The following MYCBP2 variants were observed in gnomAD, a reference collection of about 807,000 sequenced individuals.
MYCBP2 encodes the protein MYC binding protein 2.
MYCBP2 carries 120 observed loss-of-function variants against 525.3 expected under a neutral mutation model. That is an observed-to-expected ratio of 0.23 (90% CI 0.20 to 0.27). The LOEUF is 0.27. MYCBP2 is among the 10% of genes least tolerant of loss of function. The probability of loss-of-function intolerance (pLI) is 1.00; values close to 1 mark genes in which losing one functional copy is unlikely to be tolerated. For missense variants in MYCBP2, 4,149 were observed against 5,657.1 expected, an observed-to-expected ratio of 0.73 and a Z score of 8.55; for synonymous variants, 1,894 against 1,955.8, an observed-to-expected ratio of 0.97 and a Z score of 0.83.
rs1037547365 is a variant in MYCBP2 at position 77,169,526 on chromosome 13, C to T, written c.5895+88G>A. On this transcript the variant is annotated intron_variant, in intron 39 of 82. Transcript: ENST00000544440. ...CTATATCCCAGATGCCTCAAAGATG[C>T]AAGTTTTTGTAAAGACAAGACACAA... 3 of 1,145,938 alleles carry T rather than the reference C, an allele frequency of 2.6e-6. No homozygotes were observed. In the Admixed American group the frequency reaches 5.7e-5, roughly 22 times the overall value. 71.0% of individuals were successfully genotyped at this position (1,145,938 alleles called of 1,614,324 possible).
At position 77,126,527 on chromosome 13, in the gene MYCBP2, T is replaced by C. The variant is rs368726492; in HGVS notation, c.7675A>G (p.Thr2559Ala). The C allele has an allele frequency of 1.9e-6, 3 of 1,612,806 alleles. No homozygotes were observed. The highest frequency in any genetic ancestry group is 2.5e-6 in the Non-Finnish European group (3 of 1,179,338). ...LVPVDESKTN[T>A]DDFFKDINSC... ...TTTATGTCTTTGAAAAAGTCATCAG[T>C]ATTAGTTTTAGATTCCTGAAAATTT... is the stretch of plus-strand genomic sequence containing the variant. The change falls in exon 53 of 83, where the codon ACT becomes GCT. Residue 2559 changes from threonine to alanine, a missense_variant. Transcript: ENST00000544440.
intron 15 of MYCBP2, among the ~76,000 whole-genome samples, chr13:77,248,391 T>C (rs1324483439): frequency 6.6e-6 from 1 of 152,130 alleles, no homozygotes; most frequent in Admixed American, 6.5e-5. Context: ...ATTCAAACTA[T>C]ATAGAGAATT....
chr13:77,121,408 G>A lies in MYCBP2; in HGVS notation c.8105C>T (p.Ala2702Val). 6.3e-7 allele frequency: 1 copy of A among 1,594,668 alleles called. No homozygotes were observed. ...QAFNKGASCS[A>V]QGFDYGLGNS... ...TCCGAGTCCATAATCAAATCCTTGGGCACTGCAACTTGCCCCTTTATTAAA... is the reference window on the plus strand; with the variant it reads ...TCCGAGTCCATAATCAAATCCTTGGACACTGCAACTTGCCCCTTTATTAAA... Residue 2702 changes from alanine (A) to valine (V), a missense_variant, in exon 55 of 83, where the codon GCC becomes GTC. Around this residue, in one of 21 missense-constraint regions of MYCBP2, gnomAD observed 653 missense variants for 744.7 expected, o/e 0.88. Coordinates refer to ENST00000544440, the MANE Select transcript of MYCBP2 (RefSeq NM_015057.5).
At chr13:77,095,179 C>T (rs1013752680) in intron 58 of MYCBP2, among the ~76,000 whole-genome samples, 179 bp downstream of exon 58, 1 of 151,882 alleles carries the variant, frequency 6.6e-6, no homozygotes, top group Non-Finnish European at 1.5e-5. Context: ...TTTTTAAATA[C>T]CTATTACCAT....
chr13:77,211,423 A>T, intron 22 of MYCBP2, 103 bp from the exon 23 acceptor site: 1 of 507,246 alleles, frequency 2.0e-6, no homozygotes, highest in Non-Finnish European at 2.9e-6. Context: ...GTGAATAAGC[A>T]GAGAATAAAA....
At chr13:77,087,062 A>C (rs960714959) in intron 62 of MYCBP2, among the ~76,000 whole-genome samples, 5 of 152,040 alleles carry the variant, frequency 3.3e-5, no homozygotes, top group Admixed American at 6.6e-5. Flanking sequence ...GTTCTTGCTC[A>C]TGGTGTCTTG....
At chr13:77,090,423 A>C (rs1181885376) in intron 59 of MYCBP2, 160 bp from the exon 60 acceptor site, 2 of 490,640 alleles carry the variant, frequency 4.1e-6, no homozygotes, top group Non-Finnish European at 6.8e-6. Context: ...TGATCTTTTC[A>C]AATGCAGTAA....
intron 26 of MYCBP2, among the ~76,000 whole-genome samples, chr13:77,200,325 G>A (rs960083403): frequency 1.2e-4 from 19 of 152,130 alleles, no homozygotes; most frequent in African/African-American, 4.3e-4. Flanking sequence ...AGTGAAGCGA[G>A]AAGGGAAGTT....
chr13:77,168,285 G>A (rs2058749350), intron 40 of MYCBP2, 143 bp downstream of exon 40: 1 of 623,164 alleles, frequency 1.6e-6, no homozygotes, highest in South Asian at 2.2e-5. Context: ...ATCCAACAGT[G>A]CCTAATCACC....
chr13:77,124,517 T>C (rs1313189053), intron 54 of MYCBP2, among the ~76,000 whole-genome samples: 1 of 152,234 alleles, frequency 6.6e-6, no homozygotes, highest in Non-Finnish European at 1.5e-5. Flanking sequence ...ATTATTTTTA[T>C]AATTCAAGTT....
At chr13:77,198,987 T>C (rs2154266176) in intron 26 of MYCBP2, among the ~76,000 whole-genome samples, 1 of 152,356 alleles carries the variant, frequency 6.6e-6, no homozygotes, top group Non-Finnish European at 1.5e-5. Context: ...TTACAGAATT[T>C]TGATTTTTTT....
At chr13:77,242,101 C>A (rs1174618449) in intron 17 of MYCBP2, among the ~76,000 whole-genome samples, 2 of 151,804 alleles carry the variant, frequency 1.3e-5, no homozygotes, top group Non-Finnish European at 2.9e-5. Context: ...CAATTATAAC[C>A]ACAGTTAAAT....
intron 17 of MYCBP2, among the ~76,000 whole-genome samples, chr13:77,242,180 C>A (rs1341543163): frequency 1.3e-5 from 2 of 152,312 alleles, no homozygotes; most frequent in Middle Eastern, 3.4e-3. Flanking sequence ...GTGGTGCGAT[C>A]ATGGCTCACT....
intron 1 of MYCBP2, among the ~76,000 whole-genome samples, chr13:77,301,497 C>G (rs1447286145): frequency 6.6e-6 from 1 of 150,634 alleles, no homozygotes; most frequent in African/African-American, 2.4e-5. Flanking sequence ...AAGACAGAAT[C>G]CTAGTAGAGG....
At chr13:77,053,526 G>GT (rs1426904518) in intron 80 of MYCBP2, among the ~76,000 whole-genome samples, 1 of 152,210 alleles carries the variant, frequency 6.6e-6, no homozygotes, top group African/African-American at 2.4e-5. Context: ...AACCCTGGAA[G>GT]TATTTCGGTT....
intron 69 of MYCBP2, among the ~76,000 whole-genome samples, chr13:77,069,280 G>A (rs2040715308): frequency 6.6e-6 from 1 of 152,154 alleles, no homozygotes; most frequent in Non-Finnish European, 1.5e-5. Flanking sequence ...GAAAGATAAA[G>A]CAAAAATAAA....
chr13:77,325,200 CA>C (rs1256224436), intron 1 of MYCBP2, among the ~76,000 whole-genome samples: 1 of 152,236 alleles, frequency 6.6e-6, no homozygotes, highest in African/African-American at 2.4e-5. Context: ...TGATAAGCTA[CA>C]AATACCTGAC....
intron 48 of MYCBP2, among the ~76,000 whole-genome samples, chr13:77,145,065 T>C (rs1230165660): frequency 6.6e-6 from 1 of 152,200 alleles, no homozygotes; most frequent in Admixed American, 6.5e-5. Flanking sequence ...CTCCCTTTGG[T>C]ATTACAACCC....
chr13:77,118,355 G>C (rs764046243), intron 55 of MYCBP2: 1 of 760,954 alleles, frequency 1.3e-6, no homozygotes, highest in South Asian at 1.4e-5. Flanking sequence ...AGCTGAGGCT[G>C]CTGGAAGGAA....
Sources: gnomAD v4.1 joint callset for allele counts (sites outside exome capture counted in the v4.1 genomes callset) on GRCh38, gnomAD v4.1.1 for gene constraint, gnomAD v4.1.1 regional missense constraint, MANE v1.5 for transcripts, NCBI Gene and HGNC (gene_info 2026-07-23, HGNC 2026-07-21) for gene names.